The following CLNK variants were observed in gnomAD, a reference collection of about 807,000 sequenced individuals.
CLNK encodes cytokine dependent hematopoietic cell linker, also known as cytokine-dependent hematopoietic cell linker.
CLNK carries 74 observed loss-of-function variants against 68.6 expected under a neutral mutation model. That is an observed-to-expected ratio of 1.08 (90% CI 0.89 to 1.31). CLNK has a LOEUF of 1.31. Among genes scored for constraint, CLNK ranks in the 50% most tolerant of loss-of-function variants. The probability of loss-of-function intolerance (pLI) is 0.00; values close to 1 mark genes in which losing one functional copy is unlikely to be tolerated. For missense variants in CLNK, 553 were observed against 515.3 expected, an observed-to-expected ratio of 1.07 and a Z score of -0.71; for synonymous variants, 198 against 172.2, an observed-to-expected ratio of 1.15 and a Z score of -1.17.
chr4:10,723,473 A>G, the CLNK span, among the ~76,000 whole-genome samples: 3 of 152,164 alleles, frequency 2.0e-5, no homozygotes, highest in African/African-American at 7.2e-5. Context: ...TTAAGACTTT[A>G]TGGATATGAA....
chr4:10,508,899 G>C (rs945183187), intron 16 of CLNK, among the ~76,000 whole-genome samples: 1 of 152,090 alleles, frequency 6.6e-6, no homozygotes, highest in Non-Finnish European at 1.5e-5. Context: ...ACAAGGTCAG[G>C]AGATCGAGAC....
At chr4:10,558,363 T>G in intron 8 of CLNK, 44 bp downstream of exon 8, 1 of 1,550,150 alleles carries the variant, frequency 6.5e-7, no homozygotes, top group Non-Finnish European at 8.9e-7. Flanking sequence ...GCAAAATAGA[T>G]GTTTTCATAC....
At chr4:10,497,910 T>C (rs1481787323) in intron 18 of CLNK, among the ~76,000 whole-genome samples, 1 of 152,230 alleles carries the variant, frequency 6.6e-6, no homozygotes, top group Non-Finnish European at 1.5e-5. Flanking sequence ...TATAATGCTT[T>C]CCTGGCCGGG....
chr4:10,525,695 A>C, intron 14 of CLNK, 146 bp downstream of exon 14: 1 of 577,158 alleles, frequency 1.7e-6, no homozygotes, highest in Non-Finnish European at 3.1e-6. Context: ...AACAGCTGTG[A>C]TTCACAAGTT....
chr4:10,511,629 G>A (rs1717587425), intron 16 of CLNK, among the ~76,000 whole-genome samples: 1 of 152,066 alleles, frequency 6.6e-6, no homozygotes, highest in South Asian at 2.1e-4. Flanking sequence ...TGTCCTCCAT[G>A]TCTGACTTAT....
At chr4:10,552,021 G>A (rs760898324) in intron 8 of CLNK, among the ~76,000 whole-genome samples, 29 of 151,890 alleles carry the variant, frequency 1.9e-4, no homozygotes, top group Non-Finnish European at 3.8e-4. Context: ...CTAATTTTTT[G>A]TGCTTTTTTA....
intron 1 of CLNK, among the ~76,000 whole-genome samples, chr4:10,671,961 G>T (rs967732108): frequency 3.9e-5 from 6 of 152,086 alleles, no homozygotes; most frequent in African/African-American, 1.4e-4. Flanking sequence ...AAAATAGCTC[G>T]CTTTGTCTCT....
the CLNK span, among the ~76,000 whole-genome samples, chr4:10,696,949 C>T: frequency 1.3e-5 from 2 of 152,230 alleles, no homozygotes; most frequent in Non-Finnish European, 2.9e-5. Flanking sequence ...AAATGCAGGA[C>T]TGTGCATTCT....
the CLNK span, among the ~76,000 whole-genome samples, chr4:10,699,264 T>TAC: frequency 1.6e-4 from 11 of 69,980 alleles, no homozygotes; most frequent in African/African-American, 6.6e-4. Context: ...TATGTGTGTA[T>TAC]ACACACACAC....
the CLNK span, among the ~76,000 whole-genome samples, chr4:10,703,606 GAT>G: frequency 6.6e-6 from 1 of 152,114 alleles, no homozygotes; most frequent in Non-Finnish European, 1.5e-5. Context: ...TAATAAGGGG[GAT>G]ATATTCTGAG....
At chr4:10,697,175 T>C in the CLNK span, 1 of 152,164 alleles carries the variant, frequency 6.6e-6, no homozygotes, top group Non-Finnish European at 1.5e-5. Context: ...AATCCCTTCA[T>C]AAAAGTCAGT....
chr4:10,700,273 T>C, the CLNK span, among the ~76,000 whole-genome samples: 2 of 152,246 alleles, frequency 1.3e-5, no homozygotes, highest in East Asian at 3.9e-4. Flanking sequence ...AGTAAATGCT[T>C]TGGGAGCGAT....
At chr4:10,566,208 G>A in intron 5 of CLNK, 58 bp from the exon 6 acceptor site, 1 of 1,575,388 alleles carries the variant, frequency 6.3e-7, no homozygotes, top group Non-Finnish European at 8.7e-7. Context: ...GACAAAGACA[G>A]GCTACAGTGC....
upstream of CLNK, among the ~76,000 whole-genome samples, chr4:10,686,571 G>A (rs1364550002): frequency 6.6e-6 from 1 of 150,844 alleles, no homozygotes; most frequent in Non-Finnish European, 1.5e-5. Flanking sequence ...GGGGCACTAA[G>A]GGCAGTGGGA....
intron 3 of CLNK, among the ~76,000 whole-genome samples, chr4:10,596,230 G>T (rs963214949): frequency 2.0e-5 from 3 of 152,066 alleles, no homozygotes; most frequent in Non-Finnish European, 4.4e-5. Context: ...TCTCCATGTT[G>T]GTCAGGGTGG....
intron 11 of CLNK, among the ~76,000 whole-genome samples, chr4:10,536,806 A>G (rs573960976): frequency 6.6e-6 from 1 of 152,314 alleles, no homozygotes; most frequent in African/African-American, 2.4e-5. Context: ...CTGTAACTAC[A>G]GGAACCCCAG....
At chr4:10,581,033 A>T (rs1225939064) in intron 4 of CLNK, among the ~76,000 whole-genome samples, 2 of 152,092 alleles carry the variant, frequency 1.3e-5, no homozygotes, top group Non-Finnish European at 2.9e-5. Flanking sequence ...TTTATCTTTT[A>T]TGTTGTATTT....
At chr4:10,644,726 A>G (rs1167111937) in intron 2 of CLNK, among the ~76,000 whole-genome samples, 1 of 152,244 alleles carries the variant, frequency 6.6e-6, no homozygotes, top group East Asian at 1.9e-4. Context: ...TTTTAAAACA[A>G]AAACAGGATC....
At chr4:10,642,863 C>G (rs1213564187) in intron 2 of CLNK, among the ~76,000 whole-genome samples, 1 of 152,162 alleles carries the variant, frequency 6.6e-6, no homozygotes. Flanking sequence ...ATAGTGAACA[C>G]TGATGGTCAT....
Sources: allele counts gnomAD v4.1 joint callset (sites outside exome capture counted in the v4.1 genomes callset), GRCh38; gene constraint gnomAD v4.1.1; transcripts MANE v1.5; gene names NCBI Gene and HGNC (gene_info 2026-07-23, HGNC 2026-07-21).